The following ELAPOR1 variants were observed in gnomAD, a reference collection of about 807,000 sequenced individuals.
ELAPOR1 encodes the protein endosome-lysosome associated apoptosis and autophagy regulator 1.
ELAPOR1 carries 77 observed loss-of-function variants against 119.7 expected under a neutral mutation model. That is an observed-to-expected ratio of 0.64 (90% CI 0.54 to 0.78). The LOEUF (loss-of-function observed/expected upper bound fraction) is 0.78. Among genes scored for constraint, ELAPOR1 ranks in the 30% least tolerant of loss-of-function variants. The pLI is 0.00. For missense variants in ELAPOR1, 1,115 were observed against 1,270.4 expected, an observed-to-expected ratio of 0.88 and a Z score of 1.86; for synonymous variants, 481 against 487.2, an observed-to-expected ratio of 0.99 and a Z score of 0.17.
rs1362754972 is a variant in ELAPOR1, at chr1:109,164,570, T to C, written c.346T>C (p.Tyr116His). 5.6e-6 allele frequency: 9 copies of C among 1,614,120 alleles called. No homozygotes were observed. In the South Asian group the frequency reaches 9.9e-5, roughly 18 times the overall value. Residue 116 changes from tyrosine to histidine, a missense_variant, in exon 3 of 22, where the codon TAC (tyrosine) becomes CAC (histidine). Physicochemically the swap from Tyr to His is moderately conservative, Grantham distance 83. Coordinates refer to ENST00000369939, the MANE Select transcript of ELAPOR1 (RefSeq NM_020775.5). ...QSCKPCAEGRYSLGTGIRFDE... is the reference protein window; with the variant it reads ...QSCKPCAEGRHSLGTGIRFDE... ...ATGTAAGCCATGCGCTGAGGGCCGC[T>C]ACTCCCTCGGCACAGGCATTCGGTT...
chr1:109,194,578 G>A lies in ELAPOR1; in HGVS notation c.2105G>A (p.Ser702Asn), dbSNP rs747819971. ...AAATACTTCCATCACTTTACCCTCA[G>A]TCTCTGTGGAAACCAGGTAAGGTAT... is the stretch of plus-strand genomic sequence containing the variant. ...GLKYFHHFTL[S>N]LCGNQGRKMS... The change falls in exon 15 of 22, where the codon AGT (serine) becomes AAT (asparagine). Residue 702 changes from serine to asparagine, a missense_variant. Coordinates refer to ENST00000369939, the MANE Select transcript of ELAPOR1 (RefSeq NM_020775.5). 6.2e-7 allele frequency: 1 copy of A among 1,613,882 alleles called. No homozygotes were observed. Among genetic ancestry groups the A allele is most frequent in the African/African-American group, 1.3e-5 (1 of 75,040 alleles).
intron 1 of ELAPOR1, among the ~76,000 whole-genome samples, chr1:109,152,616 G>T (rs1650601748): frequency 6.6e-6 from 1 of 152,006 alleles, no homozygotes; most frequent in South Asian, 2.1e-4. Flanking sequence ...GTTAATATTT[G>T]TTCATTTCAA....
intron 3 of ELAPOR1, among the ~76,000 whole-genome samples, chr1:109,168,608 T>C (rs746031214): frequency 3.3e-5 from 5 of 152,018 alleles, no homozygotes; most frequent in Non-Finnish European, 7.4e-5. Flanking sequence ...GTGGGTGTAA[T>C]AGAAAGAATG....
rs1654433223 is a variant in ELAPOR1, at chr1:109,205,492, C to T, written c.*2480C>T. ...GTTTTTCTTTGGGTATCCAAATTCT[C>T]CCCTCCTTTTGTAGGAGTCAGGCTC... On this transcript the variant is annotated 3_prime_UTR_variant, in exon 22 of 22. Transcript: ENST00000369939. The T allele has an allele frequency of 6.6e-6, 1 of 152,176 alleles. No homozygotes were observed. Among genetic ancestry groups the T allele is most frequent in the African/African-American group, 2.4e-5 (1 of 41,442 alleles). 9.4% of individuals were successfully genotyped at this position (152,176 alleles called of 1,614,324 possible).
chr1:109,118,900 C>CTCTTTTT (rs1648200887), intron 1 of ELAPOR1, among the ~76,000 whole-genome samples: 1 of 128,210 alleles, frequency 7.8e-6, no homozygotes. Context: ...TTTGGTTCTT[C>CTCTTTTT]TTTTTTTTTT....
intron 1 of ELAPOR1, among the ~76,000 whole-genome samples, chr1:109,121,381 G>A (rs1558013720): frequency 1.3e-5 from 2 of 152,066 alleles, no homozygotes; most frequent in Non-Finnish European, 1.5e-5. Flanking sequence ...TCTTGACCTC[G>A]GGTGATCCAC....
chr1:109,188,390 C>A, intron 9 of ELAPOR1, 36 bp downstream of exon 9: 1 of 1,580,374 alleles, frequency 6.3e-7, no homozygotes, highest in South Asian at 1.1e-5. Flanking sequence ...TGCAGCACAT[C>A]GACTGTGTGG....
Position 109,172,538 on chromosome 1 carries a change from G to A in ELAPOR1, c.666G>A (p.Lys222=). 6.2e-7 allele frequency: 1 copy of A among 1,613,776 alleles called. No homozygotes were observed. The highest frequency in any genetic ancestry group is 8.5e-7 in the Non-Finnish European group (1 of 1,179,742). ...ATGCAGATGACTCCAGGTGGATGAA[G>A]ACCACAGAGAAAGGATGGGAATTCC... ...QPNADDSRWM[K]TTEKGWEFHS... The change falls in exon 5 of 22, where the codon AAG becomes AAA. Residue 222 remains lysine, a synonymous_variant. Coordinates refer to ENST00000369939, the MANE Select transcript of ELAPOR1 (RefSeq NM_020775.5).
At chr1:109,188,133 C>A in intron 8 of ELAPOR1, 44 bp from the exon 9 acceptor site, 1 of 1,559,724 alleles carries the variant, frequency 6.4e-7, no homozygotes. Flanking sequence ...CAAAGATGTC[C>A]TAAATCTCAC....
intron 1 of ELAPOR1, among the ~76,000 whole-genome samples, chr1:109,155,703 A>G (rs1463888816): frequency 2.0e-5 from 3 of 152,244 alleles, no homozygotes; most frequent in Non-Finnish European, 4.4e-5. Context: ...ATGTTTTTGA[A>G]AGCTGTCAAT....
chr1:109,199,187 A>T (rs1373452529), intron 18 of ELAPOR1, among the ~76,000 whole-genome samples: 1 of 152,174 alleles, frequency 6.6e-6, no homozygotes, highest in East Asian at 1.9e-4. Flanking sequence ...TTCTGAGGTT[A>T]ATAGCTGAGT....
Position 109,164,487 on chromosome 1 carries a change from C to G in ELAPOR1, c.275-12C>G. On this transcript the variant is annotated splice_polypyrimidine_tract_variant and intron_variant, in intron 2 of 21. Coordinates refer to ENST00000369939, the MANE Select transcript of ELAPOR1 (RefSeq NM_020775.5). Reference sequence around the variant, plus strand: ...CCTCACTGCCCCACCTTGTCTCTGCCCTGTTTTCCAGCCTTCTCCTGCAAC... The same window carrying G: ...CCTCACTGCCCCACCTTGTCTCTGCGCTGTTTTCCAGCCTTCTCCTGCAAC... 6.2e-7 allele frequency: 1 copy of G among 1,601,712 alleles called. No individual in the cohort carries two copies. Among genetic ancestry groups the G allele is most frequent in the Non-Finnish European group, 8.5e-7 (1 of 1,171,746 alleles).
intron 8 of ELAPOR1, among the ~76,000 whole-genome samples, chr1:109,186,120 G>T (rs1201560855): frequency 1.3e-5 from 2 of 151,890 alleles, no homozygotes; most frequent in African/African-American, 4.8e-5. Context: ...AAGGAGGGTG[G>T]TGCCACTATT....
intron 15 of ELAPOR1, among the ~76,000 whole-genome samples, chr1:109,195,904 C>T (rs1653766704): frequency 1.3e-5 from 2 of 152,230 alleles, no homozygotes; most frequent in Non-Finnish European, 2.9e-5. Flanking sequence ...CGCCTGTAAT[C>T]CCAGCAATTT....
At chr1:109,192,968 T>A in intron 14 of ELAPOR1, 94 bp downstream of exon 14, 8 of 1,384,652 alleles carry the variant, frequency 5.8e-6, no homozygotes, top group Non-Finnish European at 7.9e-6. Flanking sequence ...GAGAGGCTGA[T>A]ACCCGAGTGC....
At chr1:109,193,020 C>A in intron 14 of ELAPOR1, 146 bp downstream of exon 14, 1 of 866,410 alleles carries the variant, frequency 1.2e-6, no homozygotes. Context: ...GGAGGACACC[C>A]ATCCAGGCTG....
intron 21 of ELAPOR1, among the ~76,000 whole-genome samples, chr1:109,202,686 C>T (rs980157515): frequency 6.6e-6 from 1 of 152,184 alleles, no homozygotes; most frequent in African/African-American, 2.4e-5. Flanking sequence ...GGTGATCCAC[C>T]TGCCTTGGCC....
chr1:109,114,291 C>CA lies in ELAPOR1; in HGVS notation c.108_109insA (p.Gln37ThrfsTer17), dbSNP rs770994440. 2.5e-6 allele frequency: 4 copies of CA among 1,600,696 alleles called. No homozygotes were observed. The highest frequency in any genetic ancestry group is 2.6e-6 in the Non-Finnish European group (3 of 1,173,970). On this transcript the variant is annotated frameshift_variant, in exon 1 of 22. Coordinates refer to ENST00000369939, the MANE Select transcript of ELAPOR1 (RefSeq NM_020775.5). LOFTEE classifies it high-confidence loss of function. ...TGCTGCTCTGGGCTGGGACCGCCTT[C>CA]CAGGTGACCCAGGGAACGGGACCGG... is the stretch of plus-strand genomic sequence containing the variant.
At chr1:109,198,340 T>C (rs965166226) in intron 17 of ELAPOR1, among the ~76,000 whole-genome samples, 1 of 152,230 alleles carries the variant, frequency 6.6e-6, no homozygotes, top group African/African-American at 2.4e-5. Flanking sequence ...CAGGCTCCAG[T>C]GTATGCTAGC....
Sources: allele counts gnomAD v4.1 joint callset (sites outside exome capture counted in the v4.1 genomes callset), GRCh38; gene constraint gnomAD v4.1.1; transcripts MANE v1.5; gene names NCBI Gene and HGNC (gene_info 2026-07-23, HGNC 2026-07-21).